Variants in GAN observed in about 807,000 individuals in gnomAD.
The protein encoded by GAN is gigaxonin.
Under a neutral mutation model 71.3 loss-of-function variants are expected in GAN, and 48 were observed. That is an observed-to-expected ratio of 0.67 (90% CI 0.53 to 0.86). GAN has a LOEUF of 0.86. Ranked by LOEUF, GAN falls within the 40% of genes least tolerant of loss-of-function variation. The pLI is 0.00. For synonymous variants in GAN, 386 were observed against 276.8 expected, an observed-to-expected ratio of 1.39 and a Z score of -3.92; for missense variants, 928 against 770.1, an observed-to-expected ratio of 1.21 and a Z score of -2.43.
Position 81,382,168 on chromosome 16 carries a change from T to G in GAN, c.*4572T>G, listed in dbSNP as rs904666709. ...TTGTACCAGGGTAATCTTGGAGGCC[T>G]GATAGATATGGCTTCATTTCTCACT... On this transcript the variant is annotated 3_prime_UTR_variant, in exon 11 of 11. Transcript: ENST00000648994. 1.3e-5 allele frequency: 2 copies of G among 152,160 alleles called. No individual in the cohort carries two copies. The highest frequency in any genetic ancestry group is 2.9e-5 in the Non-Finnish European group (2 of 68,036). 9.4% of individuals were successfully genotyped at this position (152,160 alleles called of 1,614,324 possible).
intron 1 of GAN, among the ~76,000 whole-genome samples, chr16:81,338,552 A>T (rs1321258091): frequency 6.6e-6 from 1 of 152,230 alleles, no homozygotes; most frequent in Non-Finnish European, 1.5e-5. Context: ...TCTAAGGCGA[A>T]AATGTTTTGG....
At chr16:81,321,588 T>C (rs148008453) in intron 1 of GAN, among the ~76,000 whole-genome samples, 1,823 of 152,314 alleles carry the variant, frequency 0.012, 17 homozygotes, top group Non-Finnish European at 0.017. Flanking sequence ...AAAGTGTTAA[T>C]GAGTTCTTAT....
intron 1 of GAN, among the ~76,000 whole-genome samples, chr16:81,348,244 C>G (rs1910185905): frequency 6.6e-6 from 1 of 152,048 alleles, no homozygotes; most frequent in Admixed American, 6.6e-5. Flanking sequence ...TCAATCATTA[C>G]CATTTTTTGC....
intron 1 of GAN, among the ~76,000 whole-genome samples, chr16:81,335,762 A>T (rs1909738482): frequency 6.6e-6 from 1 of 151,922 alleles, no homozygotes; most frequent in Non-Finnish European, 1.5e-5. Context: ...AAAAAAAAAA[A>T]AAAATCCATT....
chr16:81,367,477 C>T (rs1439683804), intron 9 of GAN, among the ~76,000 whole-genome samples: 3 of 151,982 alleles, frequency 2.0e-5, no homozygotes, highest in South Asian at 2.1e-4. Flanking sequence ...TGCAGTGAGC[C>T]GAGATTGTGT....
Position 81,316,758 on chromosome 16 carries a change from C to A in GAN, c.167+1478C>A, listed in dbSNP as rs561919565. ...CGAATCCTTGCTTGTTATCCTTGTT[C>A]GTTTTTCTCCATAGCACTTACCACT... On this transcript the variant is annotated intron_variant, in intron 1 of 10. Coordinates refer to ENST00000648994, the MANE Select transcript of GAN (RefSeq NM_022041.4). Among the ~76,000 whole-genome samples the A allele has an allele frequency of 2.0e-5, 3 of 152,180 alleles. No homozygotes were observed. The East Asian group carries it at 5.8e-4, about 29-fold the overall frequency.
intron 9 of GAN, among the ~76,000 whole-genome samples, chr16:81,367,400 G>A (rs1220593009): frequency 2.0e-5 from 3 of 152,042 alleles, no homozygotes; most frequent in Non-Finnish European, 4.4e-5. Flanking sequence ...ATAGTGGCAC[G>A]TGTCTGTAGT....
chr16:81,348,704 G>A (rs1910202382), intron 1 of GAN, among the ~76,000 whole-genome samples: 1 of 152,210 alleles, frequency 6.6e-6, no homozygotes, highest in Non-Finnish European at 1.5e-5. Flanking sequence ...GCTTCAAAAT[G>A]TGCAGGAAGC....
In GAN at chr16:81,384,307, A is replaced by C. The variant is rs1411448859; in HGVS notation, c.*6711A>C. On this transcript the variant is annotated 3_prime_UTR_variant, in exon 11 of 11. Coordinates refer to ENST00000648994, the MANE Select transcript of GAN (RefSeq NM_022041.4). ...GTTTTCCATTTTACTACTTAAAAAA[A>C]AAAAAAAAAGAAAAGAAAAAAAAGC... 6.9e-6 allele frequency: 1 copy of C among 145,916 alleles called. No homozygotes were observed. The highest frequency in any genetic ancestry group is 6.9e-5 in the Admixed American group (1 of 14,466). The allele number at this position is 145,916 out of a possible 1,614,324, so 9.0% of individuals were successfully genotyped here.
Position 81,379,139 on chromosome 16 carries a change from A to T in GAN, c.*1543A>T, listed in dbSNP as rs1904293138. On this transcript the variant is annotated 3_prime_UTR_variant, in exon 11 of 11. Coordinates refer to ENST00000648994, the MANE Select transcript of GAN (RefSeq NM_022041.4). ...CTTTGGTTTTAAGTCGAGAACAGGA[A>T]TTTCTTCTAGAAACTTCCTGTATGG... 6.6e-6 allele frequency: 1 copy of T among 152,230 alleles called. No individual in the cohort carries two copies. Among genetic ancestry groups the T allele is most frequent in the Non-Finnish European group, 1.5e-5 (1 of 68,052 alleles). 9.4% of individuals were successfully genotyped at this position (152,230 alleles called of 1,614,324 possible).
chr16:81,358,541 C>T (rs763354393), intron 5 of GAN, among the ~76,000 whole-genome samples: 3 of 150,972 alleles, frequency 2.0e-5, no homozygotes, highest in East Asian at 1.9e-4. Flanking sequence ...CCCAGGAGAT[C>T]GAGACTGCTG....
At chr16:81,371,930 G>GAC (rs1911048030) in intron 9 of GAN, 4 of 152,196 alleles carry the variant, frequency 2.6e-5, no homozygotes, top group Admixed American at 2.6e-4. Context: ...GTTTACGGCT[G>GAC]ACACTTGGAG....
At chr16:81,328,892 T>C (rs1319070805) in intron 1 of GAN, among the ~76,000 whole-genome samples, 2 of 152,198 alleles carry the variant, frequency 1.3e-5, no homozygotes, top group Non-Finnish European at 2.9e-5. Flanking sequence ...TTCTTCTTTG[T>C]TTTTGTTTTA....
At chr16:81,344,477 A>G (rs1014135041) in intron 1 of GAN, among the ~76,000 whole-genome samples, 8 of 152,166 alleles carry the variant, frequency 5.3e-5, no homozygotes, top group Admixed American at 2.6e-4. Flanking sequence ...ATCTACCACC[A>G]TCTGATGTTT....
At chr16:81,347,331 A>C (rs1910151427) in intron 1 of GAN, among the ~76,000 whole-genome samples, 1 of 152,210 alleles carries the variant, frequency 6.6e-6, no homozygotes, top group South Asian at 2.1e-4. Flanking sequence ...CCCTCTGTAT[A>C]CTGTCATACA....
chr16:81,346,283 C>T (rs910879768), intron 1 of GAN, among the ~76,000 whole-genome samples: 18 of 152,200 alleles, frequency 1.2e-4, no homozygotes, highest in Non-Finnish European at 2.6e-4. Flanking sequence ...ATATATGGAG[C>T]ATCTGCTACC....
intron 1 of GAN, among the ~76,000 whole-genome samples, chr16:81,327,288 G>C (rs1909422194): frequency 6.6e-6 from 1 of 152,202 alleles, no homozygotes; most frequent in Non-Finnish European, 1.5e-5. Context: ...GAAGTTTATA[G>C]CAGTGGATTA....
At position 81,385,052 on chromosome 16, in the gene GAN, G is replaced by C. The variant is rs1031682102; in HGVS notation, c.*7456G>C. 2 of 154,384 alleles carry C rather than the reference G, an allele frequency of 1.3e-5. No individual in the cohort carries two copies. Among genetic ancestry groups the C allele is most frequent in the South Asian group, 2.0e-4 (1 of 4,908 alleles). 9.6% of individuals were successfully genotyped at this position (154,384 alleles called of 1,614,324 possible). ...ATATTTGGTATAACTTAAGCACCAG[G>C]TAAAATCTGGTGCTTAAGTTGTACC... On this transcript the variant is annotated 3_prime_UTR_variant, in exon 11 of 11. Transcript: ENST00000648994.
intron 1 of GAN, among the ~76,000 whole-genome samples, chr16:81,316,498 CGG>C (rs1597386238): frequency 1.3e-5 from 1 of 74,230 alleles, no homozygotes. Flanking sequence ...GGTGGGGGGG[CGG>C]GGCGGCAGTA....
Sources: allele counts gnomAD v4.1 joint callset (sites outside exome capture counted in the v4.1 genomes callset), GRCh38; gene constraint gnomAD v4.1.1; transcripts MANE v1.5; gene names NCBI Gene and HGNC (gene_info 2026-07-23, HGNC 2026-07-21).